ANO10: variants seen among roughly 807,000 people sequenced by gnomAD.
The protein encoded by ANO10 is anoctamin-10.
Under a neutral mutation model 74.7 loss-of-function variants are expected in ANO10, and 77 were observed. The ratio of observed to expected loss-of-function variants is 1.03; its 90% CI spans 0.86 to 1.25. The LOEUF is 1.25. Among genes scored for constraint, ANO10 ranks in the 50% most tolerant of loss-of-function variants. The probability of loss-of-function intolerance (pLI) is 0.00; values close to 1 mark genes in which losing one functional copy is unlikely to be tolerated. For synonymous variants in ANO10, 279 were observed against 284.9 expected, an observed-to-expected ratio of 0.98 and a Z score of 0.21; for missense variants, 721 against 778.1, an observed-to-expected ratio of 0.93 and a Z score of 0.87.
intron 12 of ANO10, among the ~76,000 whole-genome samples, chr3:43,414,320 A>T (rs1261489404): frequency 9.2e-5 from 14 of 152,226 alleles, no homozygotes; most frequent in Non-Finnish European, 1.5e-5. Flanking sequence ...AGTGACTGAT[A>T]CACAGACAAG....
intron 12 of ANO10, among the ~76,000 whole-genome samples, chr3:43,386,687 G>GTGTGTGTGTC (rs1461458593): frequency 2.7e-5 from 4 of 150,834 alleles, no homozygotes; most frequent in African/African-American, 9.8e-5. Context: ...GTGTGTGTGT[G>GTGTGTGTGTC]TCTCCAAATC....
Position 43,596,998 on chromosome 3 carries a change from C to T in ANO10, c.472+1534G>A, listed in dbSNP as rs561181933. Among the ~76,000 whole-genome samples the T allele has an allele frequency of 4.7e-3, 716 of 152,178 alleles. 5 individuals are homozygous for T. The highest frequency in any genetic ancestry group is 0.017 in the African/African-American group (689 of 41,494). On this transcript the variant is annotated intron_variant, in intron 4 of 12. Transcript: ENST00000292246. ...CAAAAGAAGACATTTATGCAGCCAACAGACACATGAAAAAATGCTCATCAT... is the reference window on the plus strand; with the variant it reads ...CAAAAGAAGACATTTATGCAGCCAATAGACACATGAAAAAATGCTCATCAT...
At chr3:43,625,291 G>A (rs2083481634), upstream of ANO10, among the ~76,000 whole-genome samples, 1 of 152,210 alleles carries the variant, frequency 6.6e-6, no homozygotes, top group Non-Finnish European at 1.5e-5. Context: ...GATAGTGTCT[G>A]GTTGACAATT....
At chr3:43,386,970 TG>T (rs1377845119) in intron 12 of ANO10, among the ~76,000 whole-genome samples, 1 of 152,140 alleles carries the variant, frequency 6.6e-6, no homozygotes, top group Non-Finnish European at 1.5e-5. Context: ...CTGATGTGGT[TG>T]TTTTCTTCAC....
chr3:43,451,657 G>T (rs2074881861), intron 11 of ANO10, among the ~76,000 whole-genome samples: 3 of 152,150 alleles, frequency 2.0e-5, no homozygotes, highest in Admixed American at 2.0e-4. Context: ...ATTTGCAAAA[G>T]AAATACAAGA....
chr3:43,677,887 C>T (rs185971025), intron 1 of ANO10, among the ~76,000 whole-genome samples: 43 of 152,316 alleles, frequency 2.8e-4, no homozygotes, highest in African/African-American at 9.6e-4. Context: ...CACAGCATCA[C>T]TTCTGCCACA....
chr3:43,553,389 T>C (rs2079576186), intron 10 of ANO10, among the ~76,000 whole-genome samples: 2 of 152,170 alleles, frequency 1.3e-5, no homozygotes, highest in Admixed American at 1.3e-4. Flanking sequence ...TTTATTCAAG[T>C]ACTTTTTGGG....
chr3:43,624,383 G>A (rs2083474142), upstream of ANO10, among the ~76,000 whole-genome samples: 1 of 152,170 alleles, frequency 6.6e-6, no homozygotes, highest in Admixed American at 6.5e-5. Context: ...GGTGGGGCCT[G>A]GTGCAAGGTG....
intron 12 of ANO10, among the ~76,000 whole-genome samples, chr3:43,413,208 T>C (rs911098015): frequency 1.3e-5 from 2 of 152,226 alleles, no homozygotes; most frequent in African/African-American, 4.8e-5. Flanking sequence ...CAGGAGAGAA[T>C]GGAGAGAAGT....
intron 11 of ANO10, among the ~76,000 whole-genome samples, chr3:43,450,742 C>T (rs1313820797): frequency 6.6e-6 from 1 of 152,066 alleles, no homozygotes; most frequent in Non-Finnish European, 1.5e-5. Context: ...AGAAAGGTAC[C>T]CTGCACTCTG....
chr3:43,546,098 G>C (rs891272000), intron 11 of ANO10, among the ~76,000 whole-genome samples: 1 of 152,094 alleles, frequency 6.6e-6, no homozygotes, highest in East Asian at 1.9e-4. Flanking sequence ...ACCAAAGCTA[G>C]GGCCCTCTCA....
chr3:43,688,065 G>A (rs1220157697), intron 1 of ANO10, among the ~76,000 whole-genome samples: 1 of 152,242 alleles, frequency 6.6e-6, no homozygotes, highest in African/African-American at 2.4e-5. Flanking sequence ...TACTCCCAGA[G>A]TTGAGGAAGA....
At chr3:43,423,760 A>G (rs142625868) in intron 12 of ANO10, among the ~76,000 whole-genome samples, 17 of 152,284 alleles carry the variant, frequency 1.1e-4, no homozygotes, top group African/African-American at 4.1e-4. Context: ...TTACCTGCAA[A>G]TGGCTAACAG....
At chr3:43,375,319 G>T (rs1267763089) in intron 12 of ANO10, among the ~76,000 whole-genome samples, 1 of 151,872 alleles carries the variant, frequency 6.6e-6, no homozygotes, top group African/African-American at 2.4e-5. Flanking sequence ...GTGGTGGCGG[G>T]CGCCTGTAAT....
chr3:43,536,118 A>G (rs181878557), intron 11 of ANO10, among the ~76,000 whole-genome samples: 1 of 152,366 alleles, frequency 6.6e-6, no homozygotes, highest in East Asian at 1.9e-4. Flanking sequence ...TTTGTAGATT[A>G]TTTAAACATT....
intron 1 of ANO10, among the ~76,000 whole-genome samples, chr3:43,638,259 T>C (rs1428488159): frequency 1.3e-5 from 2 of 152,230 alleles, no homozygotes; most frequent in African/African-American, 4.8e-5. Context: ...AAGAAATAGA[T>C]ATTTTTGTTG....
intron 11 of ANO10, among the ~76,000 whole-genome samples, chr3:43,446,393 C>T (rs1031956176): frequency 6.6e-6 from 1 of 152,170 alleles, no homozygotes; most frequent in Admixed American, 6.5e-5. Context: ...AGCCAACTGG[C>T]AAGTCTTTGC....
At chr3:43,622,056 C>G (rs963658375), upstream of ANO10, 1 of 153,042 alleles carries the variant, frequency 6.5e-6, no homozygotes, top group African/African-American at 2.4e-5. Flanking sequence ...CGCGGCGGGG[C>G]CTAGATGCGG....
chr3:43,367,429 ATTG>A (rs1394313265), intron 12 of ANO10, among the ~76,000 whole-genome samples: 1 of 152,118 alleles, frequency 6.6e-6, no homozygotes. Flanking sequence ...GGCTGCAAGT[ATTG>A]TTGTCCATGA....
Sources: gnomAD v4.1 joint callset for allele counts (sites outside exome capture counted in the v4.1 genomes callset) on GRCh38, gnomAD v4.1.1 for gene constraint, MANE v1.5 for transcripts, NCBI Gene and HGNC (gene_info 2026-07-23, HGNC 2026-07-21) for gene names.